CUX1: variants seen among roughly 807,000 people sequenced by gnomAD.
The protein encoded by CUX1 is protein CASP.
A neutral mutation model predicts 158.8 loss-of-function variants in CUX1; 31 were observed. The observed-to-expected ratio is 0.20, with a 90% CI of 0.15 to 0.26. The LOEUF (loss-of-function observed/expected upper bound fraction) is 0.26. Ranked by LOEUF, CUX1 falls within the 10% of genes least tolerant of loss-of-function variation. The pLI, the probability that CUX1 is intolerant of heterozygous loss-of-function variation, is 1.00. For synonymous variants in CUX1, 879 were observed against 862.1 expected (o/e 1.02, Z -0.34); for missense variants, 1,589 against 2,014.6 (o/e 0.79, Z 4.04).
intron 8 of CUX1, among the ~76,000 whole-genome samples, chr7:102,139,700 A>G (rs1449311888): frequency 6.6e-6 from 1 of 152,208 alleles, no homozygotes; most frequent in Non-Finnish European, 1.5e-5. Flanking sequence ...CACCCAGGCT[A>G]TAGTGCAATG....
intron 22 of CUX1, among the ~76,000 whole-genome samples, chr7:102,237,005 A>G (rs1237097841): frequency 6.6e-6 from 1 of 152,078 alleles, no homozygotes; most frequent in African/African-American, 2.4e-5. Context: ...GCTGCTCCCT[A>G]GAGAGGCCTT....
intron 20 of CUX1, among the ~76,000 whole-genome samples, chr7:102,214,868 C>T (rs1796898134): frequency 6.6e-6 from 1 of 152,236 alleles, no homozygotes; most frequent in African/African-American, 2.4e-5. Context: ...TAGCCCGAGT[C>T]TGAATTGGCA....
intron 1 of CUX1, among the ~76,000 whole-genome samples, chr7:101,836,219 AC>A (rs751700286): frequency 1.3e-4 from 19 of 151,948 alleles, no homozygotes; most frequent in Non-Finnish European, 2.1e-4. Flanking sequence ...TGCTTTTAAC[AC>A]CCAGCCCGTT....
At chr7:102,107,721 T>G (rs1265184181) in intron 6 of CUX1, among the ~76,000 whole-genome samples, 3 of 152,184 alleles carry the variant, frequency 2.0e-5, no homozygotes, top group African/African-American at 4.8e-5. Flanking sequence ...GTGAGGTACC[T>G]CCTACAGCTT....
intron 1 of CUX1, among the ~76,000 whole-genome samples, chr7:101,871,910 T>C (rs1046974452): frequency 6.6e-6 from 1 of 151,004 alleles, no homozygotes; most frequent in African/African-American, 2.4e-5. Flanking sequence ...CCCAGCTACT[T>C]GGGAGGCTGA....
chr7:102,130,369 GT>G (rs1554496737), intron 8 of CUX1, among the ~76,000 whole-genome samples: 3 of 152,220 alleles, frequency 2.0e-5, no homozygotes, highest in African/African-American at 7.2e-5. Context: ...CCTAAAGAGG[GT>G]TGGGAAAAAA....
At chr7:102,232,143 G>A (rs1799068064) in intron 21 of CUX1, among the ~76,000 whole-genome samples, 1 of 151,128 alleles carries the variant, frequency 6.6e-6, no homozygotes, top group Non-Finnish European at 1.5e-5. Flanking sequence ...TTTTTGTTTT[G>A]TTTTGTTTTG....
Position 102,253,885 on chromosome 7 carries a change from C to G in CUX1, c.*4843C>G, listed in dbSNP as rs1440349026. The G allele has an allele frequency of 1.3e-5, 13 of 985,626 alleles. No homozygotes were observed. Among genetic ancestry groups the G allele is most frequent in the Non-Finnish European group, 1.6e-5 (13 of 830,218 alleles). 61.1% of individuals were successfully genotyped at this position (985,626 alleles called of 1,614,324 possible). A position where few individuals can be genotyped will look rare whatever the true frequency, so the allele number is the denominator to read the frequency against. Reference sequence around the variant, plus strand: ...GTGCTGCCGGTGGGGGGCCCTGTCCCTCCCCAGATGTCCTCCCTCTTCTTC... The same window carrying G: ...GTGCTGCCGGTGGGGGGCCCTGTCCGTCCCCAGATGTCCTCCCTCTTCTTC... On this transcript the variant is annotated 3_prime_UTR_variant, in exon 24 of 24. Coordinates refer to ENST00000292535, the MANE Select transcript of CUX1 (RefSeq NM_181552.4).
chr7:102,225,802 A>G (rs868940267), intron 20 of CUX1, among the ~76,000 whole-genome samples: 1 of 152,238 alleles, frequency 6.6e-6, no homozygotes, highest in Non-Finnish European at 1.5e-5. Flanking sequence ...CAGCCAGGGC[A>G]ACCTAGCAAG....
chr7:101,817,235 G>A (rs1347627929), upstream of CUX1: 2 of 984,754 alleles, frequency 2.0e-6, no homozygotes, highest in African/African-American at 1.7e-5. The surrounding 1 kb of genome is among the most constrained non-coding windows in gnomAD (Gnocchi z 4.1). Context: ...GGTCCGAGCC[G>A]CGATCGCCGC....
intron 14 of CUX1, among the ~76,000 whole-genome samples, chr7:102,267,411 G>A (rs998516972): frequency 6.6e-5 from 10 of 152,036 alleles, no homozygotes; most frequent in African/African-American, 2.4e-4. Context: ...GTGCATGCCT[G>A]TAATCCCAGC....
chr7:102,116,745 G>A (rs76664552), intron 8 of CUX1, among the ~76,000 whole-genome samples: 2,416 of 152,272 alleles, frequency 0.016, 55 homozygotes, highest in African/African-American at 0.054. Flanking sequence ...TAGCTGAGAG[G>A]GCAGTGGCTC....
chr7:102,091,881 A>G (rs1456819296), intron 4 of CUX1, among the ~76,000 whole-genome samples: 1 of 151,956 alleles, frequency 6.6e-6, no homozygotes, highest in Admixed American at 6.6e-5. Flanking sequence ...TCAGCCTCCC[A>G]AATAGCTGGG....
intron 8 of CUX1, among the ~76,000 whole-genome samples, chr7:102,120,384 C>T (rs1216902180): frequency 6.6e-6 from 1 of 152,214 alleles, no homozygotes; most frequent in Non-Finnish European, 1.5e-5. Context: ...TATTGAATCG[C>T]ACTGAAATAC....
intron 1 of CUX1, among the ~76,000 whole-genome samples, chr7:101,838,977 G>C (rs978379179): frequency 5.9e-5 from 9 of 152,152 alleles, no homozygotes; most frequent in Non-Finnish European, 1.0e-4. Flanking sequence ...TTCCTGGTGC[G>C]GGCCCTTTTC....
chr7:101,828,017 C>T (rs951053383), intron 1 of CUX1, among the ~76,000 whole-genome samples: 2 of 148,990 alleles, frequency 1.3e-5, no homozygotes, highest in African/African-American at 5.0e-5. Context: ...TACCCTGTCA[C>T]CCAGGCTGGA....
intron 2 of CUX1, among the ~76,000 whole-genome samples, chr7:101,929,144 C>G (rs1041207692): frequency 7.3e-5 from 11 of 151,680 alleles, no homozygotes; most frequent in Non-Finnish European, 1.5e-4. Flanking sequence ...CCACTGCACT[C>G]CAGCCTAGGC....
intron 5 of CUX1, among the ~76,000 whole-genome samples, chr7:102,101,424 C>T (rs185520712): frequency 6.6e-6 from 1 of 152,228 alleles, no homozygotes; most frequent in African/African-American, 2.4e-5. Context: ...GCCAGAGGCG[C>T]TAGGATAAAG....
chr7:102,144,418 G>C (rs985394204), intron 8 of CUX1, among the ~76,000 whole-genome samples: 5 of 152,018 alleles, frequency 3.3e-5, no homozygotes, highest in Non-Finnish European at 5.9e-5. Context: ...CTCCTGTTTT[G>C]ACTTGAAGCT....
Sources: gnomAD v4.1 joint callset for allele counts (sites outside exome capture counted in the v4.1 genomes callset) on GRCh38, gnomAD v4.1.1 for gene constraint, Gnocchi (gnomAD v3.1) non-coding constraint, MANE v1.5 for transcripts, NCBI Gene and HGNC (gene_info 2026-07-23, HGNC 2026-07-21) for gene names.